The following CDH18 variants were observed in gnomAD, a reference collection of about 807,000 sequenced individuals.
CDH18 encodes the protein cadherin-18.
Under a neutral mutation model 67.9 loss-of-function variants are expected in CDH18, and 31 were observed. The observed-to-expected ratio is 0.46, with a 90% confidence interval of 0.34 to 0.62. The LOEUF (loss-of-function observed/expected upper bound fraction) is 0.62, where lower values mean the gene tolerates loss of function less well. CDH18 is among the 20% of genes least tolerant of loss of function. CDH18 has a pLI of 0.01. For missense variants in CDH18, 890 were observed against 975.5 expected, an observed-to-expected ratio of 0.91 and a Z score of 1.17; for synonymous variants, 362 against 347.2, an observed-to-expected ratio of 1.04 and a Z score of -0.48.
intron 1 of CDH18, among the ~76,000 whole-genome samples, chr5:20,520,293 T>C (rs190635941): frequency 1.3e-5 from 2 of 152,260 alleles, no homozygotes; most frequent in East Asian, 1.9e-4. Flanking sequence ...ATAATTTCTG[T>C]CCCTTGAAAG....
At chr5:20,162,966 G>A (rs566236719) in intron 2 of CDH18, among the ~76,000 whole-genome samples, 7 of 152,064 alleles carry the variant, frequency 4.6e-5, no homozygotes, top group South Asian at 2.1e-4. Flanking sequence ...GGCTGGGGCC[G>A]GAGAATCGCT....
At position 19,495,717 on chromosome 5, in the gene CDH18, CAAAA is replaced by C. The variant is rs749003068; in HGVS notation, c.1630+7271_1630+7274del. ...CTGGGCAAAAAGAGTGAAACTGTCT[CAAAA>C]AAAAAAAAAAAAAAAAAAAAAGAAA... On this transcript the variant is annotated intron_variant, in intron 11 of 12. Coordinates refer to ENST00000382275, the MANE Select transcript of CDH18 (RefSeq NM_004934.5). Among the ~76,000 whole-genome samples the C allele has an allele frequency of 2.8e-4, 13 of 46,558 alleles. 1 individual carries two copies. The highest frequency in any genetic ancestry group is 7.1e-4 in the African/African-American group (9 of 12,750). 30.5% of individuals were successfully genotyped at this position (46,558 alleles called of 152,430 possible). A position where few individuals can be genotyped will look rare whatever the true frequency, so the allele number is the denominator to read the frequency against.
intron 5 of CDH18, among the ~76,000 whole-genome samples, chr5:19,643,147 C>T (rs1469122399): frequency 2.6e-5 from 4 of 151,932 alleles, no homozygotes; most frequent in Non-Finnish European, 5.9e-5. Context: ...TACTTTAGCC[C>T]TCTTAGAATG....
intron 1 of CDH18, among the ~76,000 whole-genome samples, chr5:20,362,624 A>C (rs140321118): frequency 6.6e-6 from 1 of 152,254 alleles, no homozygotes; most frequent in Non-Finnish European, 1.5e-5. Flanking sequence ...AAGAAAAGAC[A>C]ATGAATTCCT....
chr5:20,263,493 A>C (rs1744816975), intron 1 of CDH18, among the ~76,000 whole-genome samples: 2 of 152,140 alleles, frequency 1.3e-5, no homozygotes, highest in African/African-American at 2.4e-5. Context: ...ACCCTTAAAT[A>C]ATTTCCTGAT....
intron 10 of CDH18, among the ~76,000 whole-genome samples, chr5:19,511,969 C>A: frequency 6.6e-6 from 1 of 152,156 alleles, no homozygotes. Flanking sequence ...CTCCCATCAC[C>A]AACCTAGAGG....
intron 3 of CDH18, among the ~76,000 whole-genome samples, chr5:19,828,009 A>T (rs1561388020): frequency 6.6e-6 from 1 of 152,172 alleles, no homozygotes; most frequent in African/African-American, 2.4e-5. Flanking sequence ...GAAAAGATCC[A>T]TATAAACACA....
chr5:20,188,019 T>C (rs4385212), intron 2 of CDH18, among the ~76,000 whole-genome samples: 107,875 of 151,606 alleles, frequency 0.71, 39,379 homozygotes, highest in African/African-American at 0.89. Context: ...AATAATTAAC[T>C]TGCAATAAAA....
At chr5:20,407,162 C>A (rs1452322918) in intron 1 of CDH18, among the ~76,000 whole-genome samples, 1 of 152,270 alleles carries the variant, frequency 6.6e-6, no homozygotes, top group African/African-American at 2.4e-5. Flanking sequence ...AGCTATCTGG[C>A]TAACTGCAGA....
intron 2 of CDH18, among the ~76,000 whole-genome samples, chr5:20,037,299 A>G (rs1412217449): frequency 6.6e-6 from 1 of 151,972 alleles, no homozygotes; most frequent in Non-Finnish European, 1.5e-5. Flanking sequence ...AGCTCTTGTA[A>G]GGCAGGGCTG....
intron 2 of CDH18, among the ~76,000 whole-genome samples, chr5:19,927,953 G>A (rs934126107): frequency 2.0e-5 from 3 of 152,166 alleles, no homozygotes; most frequent in South Asian, 2.1e-4. Context: ...AAGCCTACAA[G>A]AGATTCCATG....
chr5:19,802,695 G>A (rs960264389), intron 3 of CDH18, among the ~76,000 whole-genome samples: 1 of 152,042 alleles, frequency 6.6e-6, no homozygotes, highest in Non-Finnish European at 1.5e-5. Flanking sequence ...ACCTTCAAGG[G>A]GCAGATTTTG....
rs953610812 is a variant in CDH18, at chr5:19,609,764, G to A, written c.811+2670C>T. 4.5e-4 allele frequency among the ~76,000 whole-genome samples: 68 copies of A among 152,092 alleles called. 1 individual carries two copies. In the Middle Eastern group the frequency reaches 0.01, roughly 23 times the overall value. On this transcript the variant is annotated intron_variant, in intron 6 of 12. Transcript: ENST00000382275. ...CTCAGACAGGTGATGAGAGAAAGAAGTAGAAAGGGCAACTGTAAAAACCTC... is the reference window on the plus strand; with the variant it reads ...CTCAGACAGGTGATGAGAGAAAGAAATAGAAAGGGCAACTGTAAAAACCTC...
chr5:20,090,395 C>G (rs968115202), intron 2 of CDH18, among the ~76,000 whole-genome samples: 2 of 151,920 alleles, frequency 1.3e-5, no homozygotes, highest in African/African-American at 4.8e-5. Context: ...ATTAGCCAGG[C>G]ATGGTGGTGG....
intron 2 of CDH18, among the ~76,000 whole-genome samples, chr5:20,198,325 T>C (rs917661168): frequency 2.0e-5 from 3 of 152,270 alleles, no homozygotes; most frequent in Admixed American, 1.3e-4. Flanking sequence ...AAAATGCTGA[T>C]AGTGATATGG....
chr5:19,763,030 T>C (rs976894813), intron 3 of CDH18, among the ~76,000 whole-genome samples: 4 of 152,204 alleles, frequency 2.6e-5, no homozygotes, highest in Middle Eastern at 3.4e-3. Context: ...TTCTCACTCA[T>C]AGGTGAGAAT....
At chr5:20,327,025 T>C (rs1738663699) in intron 1 of CDH18, among the ~76,000 whole-genome samples, 1 of 152,240 alleles carries the variant, frequency 6.6e-6, no homozygotes, top group African/African-American at 2.4e-5. Flanking sequence ...CGGTTACATG[T>C]ACGATTGATA....
intron 2 of CDH18, among the ~76,000 whole-genome samples, chr5:19,862,202 A>G (rs1032068038): frequency 1.8e-5 from 1 of 56,358 alleles, no homozygotes; most frequent in Non-Finnish European, 5.4e-5. Flanking sequence ...TATGAAACAA[A>G]TACATTACAG....
At chr5:19,695,323 C>T (rs1315910552) in intron 5 of CDH18, among the ~76,000 whole-genome samples, 1 of 152,098 alleles carries the variant, frequency 6.6e-6, no homozygotes, top group Non-Finnish European at 1.5e-5. Context: ...TATGTTGTTT[C>T]TTTGCTACAA....
Sources: allele counts gnomAD v4.1 joint callset (sites outside exome capture counted in the v4.1 genomes callset), GRCh38; gene constraint gnomAD v4.1.1; transcripts MANE v1.5; gene names NCBI Gene and HGNC (gene_info 2026-07-23, HGNC 2026-07-21).